Variants in UBE2G2 observed in about 807,000 individuals in gnomAD.
UBE2G2 encodes the protein ubiquitin-conjugating enzyme E2 G2.
A neutral mutation model predicts 23.0 loss-of-function variants in UBE2G2; 10 were observed. The ratio of observed to expected loss-of-function variants is 0.43; its 90% CI spans 0.27 to 0.74. The LOEUF is 0.74. Ranked by LOEUF, UBE2G2 falls within the 30% of genes least tolerant of loss-of-function variation. The pLI, the probability that UBE2G2 is intolerant of heterozygous loss-of-function variation, is 0.19. For missense variants in UBE2G2, 150 were observed against 218.3 expected (o/e 0.69, Z 1.97); for synonymous variants, 86 against 81.3 (o/e 1.06, Z -0.31).
intron 4 of UBE2G2, among the ~76,000 whole-genome samples, chr21:44,776,129 G>A (rs981760944): frequency 2.6e-5 from 4 of 151,982 alleles, no homozygotes; most frequent in Admixed American, 1.3e-4. Context: ...GGGGTGGGGG[G>A]GTAGTCCTGA....
intron 3 of UBE2G2, among the ~76,000 whole-genome samples, chr21:44,787,399 G>A (rs1476366542): frequency 6.6e-6 from 1 of 152,176 alleles, no homozygotes; most frequent in Non-Finnish European, 1.5e-5. Context: ...AGGCCAACAA[G>A]TCCAGACAAG....
chr21:44,791,434 G>A (rs2083043847), intron 1 of UBE2G2, among the ~76,000 whole-genome samples: 1 of 152,184 alleles, frequency 6.6e-6, no homozygotes, highest in South Asian at 2.1e-4. Flanking sequence ...TGTCCCAGCT[G>A]TTCCAGCTCC....
chr21:44,775,947 T>A (rs1427756500), intron 4 of UBE2G2, among the ~76,000 whole-genome samples: 1 of 152,218 alleles, frequency 6.6e-6, no homozygotes, highest in East Asian at 1.9e-4. Context: ...GCATCCCCTG[T>A]GCACACAAGA....
intron 1 of UBE2G2, among the ~76,000 whole-genome samples, chr21:44,790,316 T>C (rs138424076): frequency 6.6e-6 from 1 of 152,328 alleles, no homozygotes; most frequent in East Asian, 1.9e-4. Flanking sequence ...ATTACATATA[T>C]ATTGACTCTA....
intron 1 of UBE2G2, among the ~76,000 whole-genome samples, chr21:44,794,276 C>T (rs1450794677): frequency 1.3e-5 from 2 of 152,204 alleles, no homozygotes; most frequent in African/African-American, 4.8e-5. Context: ...AAACACAGTG[C>T]TGAAACAACT....
chr21:44,772,117 C>T lies in UBE2G2; in HGVS notation c.386-628G>A, dbSNP rs1226288111. Among the ~76,000 whole-genome samples the T allele has an allele frequency of 6.6e-6, 1 of 152,240 alleles. No homozygotes were observed. The highest frequency in any genetic ancestry group is 1.5e-5 in the Non-Finnish European group (1 of 68,046). On this transcript the variant is annotated intron_variant, in intron 5 of 5. Transcript: ENST00000345496. The surrounding 1 kb of genome is among the most constrained non-coding windows in gnomAD (Gnocchi z 5.4). Reference sequence around the variant, plus strand: ...GAGAGAGACCACCAGAACTGGATGACATGTGCTGAGGCAGCAGCTGTGCAG... The same window carrying T: ...GAGAGAGACCACCAGAACTGGATGATATGTGCTGAGGCAGCAGCTGTGCAG...
chr21:44,781,445 T>A (rs1465237042), intron 3 of UBE2G2, among the ~76,000 whole-genome samples: 1 of 152,190 alleles, frequency 6.6e-6, no homozygotes, highest in East Asian at 1.9e-4. Context: ...AGGACCAAGG[T>A]GGGCTGCACA....
intron 1 of UBE2G2, among the ~76,000 whole-genome samples, chr21:44,790,835 A>G (rs1431246043): frequency 2.6e-5 from 4 of 152,224 alleles, no homozygotes; most frequent in African/African-American, 7.2e-5. Context: ...ATAACCTGAA[A>G]ATGTGGAAGC....
chr21:44,770,980 A>T lies in UBE2G2; in HGVS notation c.*397T>A. 6.2e-6 allele frequency: 1 copy of T among 162,304 alleles called. No homozygotes were observed. Among genetic ancestry groups the T allele is most frequent in the Non-Finnish European group, 1.3e-5 (1 of 74,616 alleles). 10.1% of individuals were successfully genotyped at this position (162,304 alleles called of 1,614,324 possible). On this transcript the variant is annotated 3_prime_UTR_variant, in exon 6 of 6. Coordinates refer to ENST00000345496, the MANE Select transcript of UBE2G2 (RefSeq NM_003343.6). ...CCCTGTGCTGCAGCTACAGGGCCCCATTTCTTCAGAAGGAGCGTTCTGGGT... is the reference window on the plus strand; with the variant it reads ...CCCTGTGCTGCAGCTACAGGGCCCCTTTTCTTCAGAAGGAGCGTTCTGGGT...
At chr21:44,791,639 G>A (rs567663621) in intron 1 of UBE2G2, among the ~76,000 whole-genome samples, 1 of 152,236 alleles carries the variant, frequency 6.6e-6, no homozygotes, top group African/African-American at 2.4e-5. Context: ...TCTGCTGCAG[G>A]GGCAGGGCCC....
intron 1 of UBE2G2, among the ~76,000 whole-genome samples, chr21:44,795,867 T>G (rs781991612): frequency 2.0e-5 from 3 of 152,148 alleles, no homozygotes; most frequent in Non-Finnish European, 4.4e-5. Context: ...ATTTAGGACA[T>G]GCACACAGGG....
At chr21:44,786,410 A>G (rs976325876) in intron 3 of UBE2G2, among the ~76,000 whole-genome samples, 3 of 152,140 alleles carry the variant, frequency 2.0e-5, no homozygotes, top group African/African-American at 7.2e-5. Context: ...TCAGACACCG[A>G]AAAAACATGT....
In UBE2G2 at chr21:44,798,717, C is replaced by T. The variant is rs183310693; in HGVS notation, c.43+2989G>A. Among the ~76,000 whole-genome samples the T allele has an allele frequency of 3.4e-3, 521 of 152,332 alleles. 2 individuals are homozygous for T. Among genetic ancestry groups the T allele is most frequent in the African/African-American group, 0.012 (502 of 41,552 alleles). ...AGTTCCCTTGCCATTTCTACCACACCTGCAGTTGCTTCCTCCCCTTAAAGT... is the reference window on the plus strand; with the variant it reads ...AGTTCCCTTGCCATTTCTACCACACTTGCAGTTGCTTCCTCCCCTTAAAGT... On this transcript the variant is annotated intron_variant, in intron 1 of 5. Coordinates refer to ENST00000345496, the MANE Select transcript of UBE2G2 (RefSeq NM_003343.6).
intron 3 of UBE2G2, among the ~76,000 whole-genome samples, chr21:44,784,992 T>C (rs1479205126): frequency 1.3e-5 from 2 of 152,008 alleles, no homozygotes; most frequent in Admixed American, 1.3e-4. Context: ...CCCACATAAG[T>C]GCATCAATGA....
At chr21:44,795,886 G>A (rs1429008415) in intron 1 of UBE2G2, among the ~76,000 whole-genome samples, 1 of 152,148 alleles carries the variant, frequency 6.6e-6, no homozygotes, top group African/African-American at 2.4e-5. Flanking sequence ...GGGGAAGATG[G>A]CCATGCGAAG....
chr21:44,773,742 C>T (rs1189079646), intron 4 of UBE2G2, 55 bp from the exon 5 acceptor site: 12 of 1,586,516 alleles, frequency 7.6e-6, no homozygotes, highest in African/African-American at 1.3e-5. Flanking sequence ...GAGGCATCGC[C>T]GCGCTTGGGC....
intron 3 of UBE2G2, among the ~76,000 whole-genome samples, chr21:44,782,283 G>T (rs1408168464): frequency 1.3e-5 from 2 of 152,122 alleles, no homozygotes; most frequent in African/African-American, 4.8e-5. Flanking sequence ...ATGTATCATG[G>T]CATTGCTGAG....
At chr21:44,773,765 T>A in intron 4 of UBE2G2, 78 bp from the exon 5 acceptor site, 7 of 1,556,460 alleles carry the variant, frequency 4.5e-6, no homozygotes, top group Non-Finnish European at 6.1e-6. Context: ...GCTCCACAGA[T>A]AATGAGAACA....
At position 44,787,963 on chromosome 21, in the gene UBE2G2, G is replaced by C; in HGVS notation, c.82C>G (p.Pro28Ala). 1 of 1,613,060 alleles carries C rather than the reference G, an allele frequency of 6.2e-7. No individual in the cohort carries two copies. The highest frequency in any genetic ancestry group is 8.5e-7 in the Non-Finnish European group (1 of 1,179,738). ...LNPPEGIVAGPMNEENFFEWE... is the reference protein window; with the variant it reads ...LNPPEGIVAGAMNEENFFEWE... ...TCAAAAAAGTTCTCTTCATTCATGG[G>C]GCCTGTAGGGTGAGAAAAAATTTCA... is the stretch of plus-strand genomic sequence containing the variant. The change falls in exon 3 of 6, where the codon CCC becomes GCC. Residue 28 changes from proline to alanine, a missense_variant and splice_region_variant. Transcript: ENST00000345496.
Sources: gnomAD v4.1 joint callset for allele counts (sites outside exome capture counted in the v4.1 genomes callset) on GRCh38, gnomAD v4.1.1 for gene constraint, Gnocchi (gnomAD v3.1) non-coding constraint, MANE v1.5 for transcripts, NCBI Gene and HGNC (gene_info 2026-07-23, HGNC 2026-07-21) for gene names.